Variants in DNAH10 observed in about 807,000 individuals in gnomAD.
DNAH10 encodes dynein axonemal heavy chain 10.
In DNAH10, 348 loss-of-function variants were observed where a neutral mutation model predicts 506.6. The ratio of observed to expected loss-of-function variants is 0.69; its 90% CI spans 0.63 to 0.75. DNAH10 has a LOEUF of 0.75. Among genes scored for constraint, DNAH10 ranks in the 30% least tolerant of loss-of-function variants. The pLI, the probability that DNAH10 is intolerant of heterozygous loss-of-function variation, is 0.00. For missense variants in DNAH10, 5,179 were observed against 5,787.1 expected (o/e 0.89, Z 3.41); for synonymous variants, 2,059 against 2,198.6 (o/e 0.94, Z 1.78).
chr12:123,888,784 G>A (rs1291644557), intron 52 of DNAH10, among the ~76,000 whole-genome samples: 1 of 152,086 alleles, frequency 6.6e-6, no homozygotes, highest in Non-Finnish European at 1.5e-5. Flanking sequence ...GGTGAGACTC[G>A]AACCCAGGAT....
At chr12:123,790,240 C>A in intron 11 of DNAH10, 119 bp downstream of exon 11, 2 of 982,460 alleles carry the variant, frequency 2.0e-6, no homozygotes, top group Admixed American at 2.6e-5. Context: ...GTAATACCTG[C>A]TTATTAATTA....
At chr12:123,860,891 G>A in intron 38 of DNAH10, 121 bp from the exon 39 acceptor site, 2 of 1,291,020 alleles carry the variant, frequency 1.5e-6, no homozygotes, top group Non-Finnish European at 2.2e-6. Flanking sequence ...GAGTTTGCAT[G>A]GGTTGCATTT....
At position 123,926,322 on chromosome 12, in the gene DNAH10, G is replaced by A. The variant is rs975586564; in HGVS notation, c.11922-315G>A. 6.3e-6 allele frequency: 2 copies of A among 317,504 alleles called. No individual in the cohort carries two copies. The highest frequency in any genetic ancestry group is 1.2e-4 in the South Asian group (1 of 8,688). The allele number at this position is 317,504 out of a possible 1,614,324, so 19.7% of individuals were successfully genotyped here. The stretch of plus-strand genomic sequence containing the variant: ...TCAAGATGTGGACCATTCAGGACAC[G>A]CCTGTGGAACCTCAGGGTTTTGTGC... On this transcript the variant is annotated intron_variant, in intron 68 of 78. Transcript: ENST00000673944. The surrounding 1 kb of genome is among the most constrained non-coding windows in gnomAD (Gnocchi z 4.1).
rs965807153 is a variant in DNAH10, at chr12:123,850,225, AAAAT to A, written c.6103-659_6103-656del. On this transcript the variant is annotated intron_variant, in intron 34 of 78. Transcript: ENST00000673944. This position sits in a 1 kb window ranked among gnomAD's most constrained non-coding sequence, Gnocchi z 5.5. ...CTGCCTGGCTGGTGGACAATCAAAA[AAAAT>A]AAAATAGAAAACTTCACCGAGAGAC... Among the ~76,000 whole-genome samples, 5 of 152,120 alleles carry A rather than the reference AAAAT, an allele frequency of 3.3e-5. No homozygotes were observed. The highest frequency in any genetic ancestry group is 9.7e-5 in the African/African-American group (4 of 41,426).
intron 5 of DNAH10, among the ~76,000 whole-genome samples, chr12:123,777,490 T>G (rs11835233): frequency 6.6e-6 from 1 of 151,934 alleles, no homozygotes; most frequent in South Asian, 2.1e-4. Flanking sequence ...GTACAAGTCA[T>G]CCTGTGAGTT....
intron 5 of DNAH10, among the ~76,000 whole-genome samples, chr12:123,777,288 G>A (rs567942341): frequency 2.6e-5 from 4 of 152,356 alleles, no homozygotes; most frequent in African/African-American, 9.6e-5. Context: ...GAGATGAGGG[G>A]AGAGGAAAGT....
intron 56 of DNAH10, 45 bp downstream of exon 56, chr12:123,898,859 A>G: frequency 1.9e-6 from 3 of 1,545,880 alleles, no homozygotes; most frequent in Non-Finnish European, 2.6e-6. Flanking sequence ...AACACCCAAT[A>G]CCCACCGTAG....
chr12:123,884,031 G>T (rs1952623094), intron 51 of DNAH10, among the ~76,000 whole-genome samples: 1 of 152,044 alleles, frequency 6.6e-6, no homozygotes, highest in South Asian at 2.1e-4. Context: ...CAAGCAAGAG[G>T]TGTTCTTTTT....
Position 123,924,336 on chromosome 12 carries a change from A to C in DNAH10, c.11670A>C (p.Gln3890His), listed in dbSNP as rs1433026980. The C allele has an allele frequency of 4.3e-6, 7 of 1,613,574 alleles. No homozygotes were observed. Among genetic ancestry groups the C allele is most frequent in the Non-Finnish European group, 5.9e-6 (7 of 1,179,654 alleles). Residue 3890 changes from glutamine (Q) to histidine (H), a missense_variant, in exon 67 of 79, where the codon CAA becomes CAC. By Grantham distance (24) the Gln-to-His change is conservative. This residue lies in a region of DNAH10 where 4,844 missense variants were observed against 5,430.5 expected (regional missense o/e 0.89). Coordinates refer to ENST00000673944, the MANE Select transcript of DNAH10 (RefSeq NM_001372106.1). ...RKKPCAWLSD[Q>H]GWEDIILLSE... Reference sequence around the variant, plus strand: ...AGCCCTGCGCTTGGTTGTCTGACCAAGGATGGGAAGATATCATTCTTTTAT... The same window carrying C: ...AGCCCTGCGCTTGGTTGTCTGACCACGGATGGGAAGATATCATTCTTTTAT...
intron 77 of DNAH10, chr12:123,934,277 C>A (rs1259089837): frequency 1.4e-6 from 1 of 695,844 alleles, no homozygotes; most frequent in South Asian, 1.5e-5. Flanking sequence ...GGTGCCCATT[C>A]TGACTCTGGG....
intron 56 of DNAH10, 25 bp downstream of exon 56, chr12:123,898,839 G>A (rs771542921): frequency 1.3e-6 from 2 of 1,581,148 alleles, no homozygotes; most frequent in East Asian, 4.5e-5. Flanking sequence ...GGCCAGGGCA[G>A]CCCATCCCCA....
At chr12:123,934,952 A>G (rs1210264294) in intron 78 of DNAH10, 186 bp downstream of exon 78, 16 of 756,392 alleles carry the variant, frequency 2.1e-5, no homozygotes, top group African/African-American at 8.8e-5. Flanking sequence ...GCGCGGCTGT[A>G]TGTGTGTGTG....
rs754807757 is a variant in DNAH10 at position 123,877,859 on chromosome 12, C to A, written c.8323C>A (p.Arg2775=). The A allele has an allele frequency of 1.2e-6, 2 of 1,613,916 alleles. No homozygotes were observed. The highest frequency in any genetic ancestry group is 1.7e-5 in the Admixed American group (1 of 60,004). ...AAAGTTCCATTACATCTTCAACCTT[C>A]GAGATCTCTCACGGGTTTTTAATGG... is the stretch of plus-strand genomic sequence containing the variant. ...PSKFHYIFNL[R]DLSRVFNGLV... is the part of the protein sequence containing the mutation. Residue 2775 remains arginine, a synonymous_variant, in exon 48 of 79, where the codon CGA becomes AGA. Transcript: ENST00000673944.
intron 46 of DNAH10, among the ~76,000 whole-genome samples, chr12:123,874,650 T>C (rs11836598): frequency 0.034 from 5,121 of 149,082 alleles, 253 homozygotes; most frequent in African/African-American, 0.11. Flanking sequence ...CAATGGATGG[T>C]CCAATCTGTC....
chr12:123,785,022 A>G lies in DNAH10; in HGVS notation c.1231-724A>G, dbSNP rs375552066. 6.6e-6 allele frequency among the ~76,000 whole-genome samples: 1 copy of G among 152,212 alleles called. No homozygotes were observed. Among genetic ancestry groups the G allele is most frequent in the African/African-American group, 2.4e-5 (1 of 41,456 alleles). ...TTTGAGTTGTTTCTGCATTTTGGCTATTATGAAGAATGCTGCTACGAACAT... is the reference window on the plus strand; with the variant it reads ...TTTGAGTTGTTTCTGCATTTTGGCTGTTATGAAGAATGCTGCTACGAACAT... On this transcript the variant is annotated intron_variant, in intron 8 of 78. Coordinates refer to ENST00000673944, the MANE Select transcript of DNAH10 (RefSeq NM_001372106.1). This position sits in a 1 kb window ranked among gnomAD's most constrained non-coding sequence, Gnocchi z 4.1.
rs182409943 is a variant in DNAH10, at chr12:123,817,824, A to G, written c.3781-1126A>G. Among the ~76,000 whole-genome samples the G allele has an allele frequency of 4.8e-3, 737 of 152,338 alleles. 4 individuals are homozygous for G. Among genetic ancestry groups the G allele is most frequent in the African/African-American group, 0.016 (682 of 41,578 alleles). On this transcript the variant is annotated intron_variant, in intron 21 of 78. Transcript: ENST00000673944. ...GGAGATTTATTTTTGCTTCTAACAG[A>G]CACCATAACTGGGTACATTAGCAAG...
chr12:123,898,788 A>AGGAGATCGCGGTG lies in DNAH10; in HGVS notation c.9623_9624insGGTGGGAGATCGC (p.Asn3210GlyfsTer65). 1 of 1,612,156 alleles carries AGGAGATCGCGGTG rather than the reference A, an allele frequency of 6.2e-7. No individual in the cohort carries two copies. The highest frequency in any genetic ancestry group is 1.3e-5 in the African/African-American group (1 of 75,022). On this transcript the variant is annotated frameshift_variant, in exon 56 of 79. Coordinates refer to ENST00000673944, the MANE Select transcript of DNAH10 (RefSeq NM_001372106.1). LOFTEE classifies it high-confidence loss of function. ...TCCGCCGCCTGCGAGGCCTTGCTGG[A>AGGAGATCGCGGTG]GGAGATCGCCGTCAACACCGCTGTA...
At chr12:123,766,163 A>C (rs7301897) in intron 1 of DNAH10, among the ~76,000 whole-genome samples, 1 of 151,694 alleles carries the variant, frequency 6.6e-6, no homozygotes, top group Non-Finnish European at 1.5e-5. Flanking sequence ...CTATACATCT[A>C]TCTCTCTCTA....
chr12:123,770,056 C>T (rs1307708382), intron 2 of DNAH10, among the ~76,000 whole-genome samples: 1 of 151,312 alleles, frequency 6.6e-6, no homozygotes, highest in Non-Finnish European at 1.5e-5. Flanking sequence ...GCCCAGCCAA[C>T]ATGATGAAAC....
Sources: gnomAD v4.1 joint callset for allele counts (sites outside exome capture counted in the v4.1 genomes callset) on GRCh38, gnomAD v4.1.1 for gene constraint, gnomAD v4.1.1 regional missense constraint, Gnocchi (gnomAD v3.1) non-coding constraint, MANE v1.5 for transcripts, NCBI Gene and HGNC (gene_info 2026-07-23, HGNC 2026-07-21) for gene names.